Variants in ANO10 observed in about 807,000 individuals in gnomAD.
The protein encoded by ANO10 is anoctamin-10.
A neutral mutation model predicts 74.7 loss-of-function variants in ANO10; 77 were observed. The ratio of observed to expected loss-of-function variants is 1.03; its 90% CI spans 0.86 to 1.25. ANO10 has a LOEUF of 1.25. Ranked by LOEUF, ANO10 falls within the 50% of genes most tolerant of loss-of-function variation. ANO10 has a pLI of 0.00. For missense variants in ANO10, 721 were observed against 778.1 expected (o/e 0.93, Z 0.87); for synonymous variants, 279 against 284.9 (o/e 0.98, Z 0.21).
intron 11 of ANO10, among the ~76,000 whole-genome samples, chr3:43,480,936 C>T (rs2076242841): frequency 6.6e-6 from 1 of 152,018 alleles, no homozygotes; most frequent in South Asian, 2.1e-4. Context: ...TCTACAAATA[C>T]AATGTGCATA....
intron 1 of ANO10, among the ~76,000 whole-genome samples, chr3:43,608,239 T>C (rs1362866193): frequency 6.6e-6 from 1 of 152,198 alleles, no homozygotes; most frequent in Non-Finnish European, 1.5e-5. Context: ...ATAATTAGAC[T>C]GAAAGAGTAT....
At chr3:43,607,200 G>A (rs947363076) in intron 1 of ANO10, among the ~76,000 whole-genome samples, 5 of 151,750 alleles carry the variant, frequency 3.3e-5, no homozygotes, top group Non-Finnish European at 7.4e-5. Context: ...AAAAATTTGT[G>A]AATAACAAAA....
Position 43,549,816 on chromosome 3 carries a change from C to A in ANO10, c.1701G>T (p.Val567=). The A allele has an allele frequency of 6.2e-7, 1 of 1,613,888 alleles. No homozygotes were observed. Among genetic ancestry groups the A allele is most frequent in the Non-Finnish European group, 8.5e-7 (1 of 1,179,876 alleles). The change falls in exon 11 of 13, where the codon GTG becomes GTT. Residue 567 remains valine (V), a synonymous_variant. Transcript: ENST00000292246. ...LAFETMSVIS[V]VTNCALIGMS... ...TTCCAATCAGCGCACAGTTAGTGAC[C>A]ACAGATATAACACTCATCGTTTCAA...
At position 43,392,109 on chromosome 3, in the gene ANO10, C is replaced by A. The variant is rs77796137; in HGVS notation, c.1915-25135G>T. ...GAGAGGCAGGAGGTGGGCCCTCTCC[C>A]TCCTGTCTCCTGATTATTTAACTTC... On this transcript the variant is annotated intron_variant, in intron 12 of 12. Transcript: ENST00000292246. 1.5e-3 allele frequency among the ~76,000 whole-genome samples: 221 copies of A among 152,234 alleles called. 2 individuals carry two copies. The highest frequency in any genetic ancestry group is 5.1e-3 in the African/African-American group (212 of 41,532).
intron 11 of ANO10, among the ~76,000 whole-genome samples, chr3:43,484,492 A>C (rs2076388981): frequency 1.3e-5 from 2 of 152,176 alleles, no homozygotes. Context: ...TTGCAGGGTA[A>C]TTTCAAAATA....
At chr3:43,372,947 A>G in intron 12 of ANO10, 1 of 1,215,554 alleles carries the variant, frequency 8.2e-7, no homozygotes. Flanking sequence ...GAAAGAGAAA[A>G]GCCTCTTTTC....
At chr3:43,619,154 A>G (rs2149540424) in intron 1 of ANO10, among the ~76,000 whole-genome samples, 1 of 152,354 alleles carries the variant, frequency 6.6e-6, no homozygotes, top group Non-Finnish European at 1.5e-5. Context: ...GAAAAGGAAG[A>G]TAAATATCCC....
chr3:43,616,514 G>A (rs766128994), intron 1 of ANO10, among the ~76,000 whole-genome samples: 8 of 152,178 alleles, frequency 5.3e-5, no homozygotes, highest in Non-Finnish European at 8.8e-5. Flanking sequence ...GGCATTGCCT[G>A]GATTCTGCTT....
chr3:43,449,515 C>CTTTTTTTTTTTTTTTTT (rs61265406), intron 11 of ANO10, among the ~76,000 whole-genome samples: 1 of 107,122 alleles, frequency 9.3e-6, no homozygotes. Flanking sequence ...TATCTAGATT[C>CTTTTTTTTTTTTTTTTT]TTTTTTTTTT....
chr3:43,594,717 G>C (rs1397982355), intron 4 of ANO10, among the ~76,000 whole-genome samples: 1 of 152,120 alleles, frequency 6.6e-6, no homozygotes, highest in African/African-American at 2.4e-5. Context: ...AGAAGCAAGA[G>C]CAAACACATG....
At chr3:43,494,493 T>G (rs1282052113) in intron 11 of ANO10, among the ~76,000 whole-genome samples, 1 of 152,036 alleles carries the variant, frequency 6.6e-6, no homozygotes, top group Non-Finnish European at 1.5e-5. Context: ...ATAAATAGTA[T>G]GAGTATTAGC....
At chr3:43,406,729 A>G (rs2092583017) in intron 12 of ANO10, among the ~76,000 whole-genome samples, 1 of 152,174 alleles carries the variant, frequency 6.6e-6, no homozygotes, top group Non-Finnish European at 1.5e-5. Context: ...CTCCATAGCA[A>G]AAAAGATGCC....
intron 1 of ANO10, among the ~76,000 whole-genome samples, chr3:43,679,241 C>T (rs2084162390): frequency 6.6e-6 from 1 of 152,216 alleles, no homozygotes; most frequent in Admixed American, 6.5e-5. Context: ...CACTCCCACC[C>T]TAATACTGCA....
intron 11 of ANO10, among the ~76,000 whole-genome samples, chr3:43,499,657 C>G (rs1332301419): frequency 1.3e-5 from 2 of 151,130 alleles, no homozygotes; most frequent in Non-Finnish European, 3.0e-5. Flanking sequence ...CCATATACCA[C>G]CAAGAAAAAA....
intron 11 of ANO10, among the ~76,000 whole-genome samples, chr3:43,544,854 C>G (rs1180014940): frequency 1.3e-5 from 2 of 149,598 alleles, no homozygotes; most frequent in Non-Finnish European, 3.0e-5. Context: ...AGTGACCTGG[C>G]TTTGGAAATG....
At chr3:43,665,937 T>C (rs1340370860) in intron 1 of ANO10, among the ~76,000 whole-genome samples, 1 of 152,222 alleles carries the variant, frequency 6.6e-6, no homozygotes, top group African/African-American at 2.4e-5. Context: ...GCTTTTATGT[T>C]AGGTATTTGT....
intron 6 of ANO10, 82 bp from the exon 7 acceptor site, chr3:43,574,946 G>T: frequency 8.8e-7 from 1 of 1,141,586 alleles, no homozygotes; most frequent in Non-Finnish European, 1.3e-6. Context: ...GAGTTGCATT[G>T]AGGGCGGAGA....
rs533475545 is a variant in ANO10, at chr3:43,609,587, A to C, written c.-11-3724T>G. Among the ~76,000 whole-genome samples the C allele has an allele frequency of 4.6e-5, 7 of 152,336 alleles. 1 individual carries two copies. The South Asian group carries it at 1.4e-3, about 32-fold the overall frequency. On this transcript the variant is annotated intron_variant, in intron 1 of 12. Transcript: ENST00000292246. ...ACAAAGACAGTTCTGAGAAATGGGC[A>C]GTTTCACTGTTGTGGAAACATCATA...
intron 11 of ANO10, among the ~76,000 whole-genome samples, chr3:43,442,356 C>T (rs566735045): frequency 1.3e-5 from 2 of 151,804 alleles, no homozygotes; most frequent in African/African-American, 4.8e-5. Flanking sequence ...AATCAACACA[C>T]AAAAATCAGT....
Sources: allele counts gnomAD v4.1 joint callset (sites outside exome capture counted in the v4.1 genomes callset), GRCh38; gene constraint gnomAD v4.1.1; transcripts MANE v1.5; gene names NCBI Gene and HGNC (gene_info 2026-07-23, HGNC 2026-07-21).